LHFPL2: variants seen among roughly 807,000 people sequenced by gnomAD.
LHFPL2 encodes LHFPL tetraspan subfamily member 2.
A neutral mutation model predicts 17.5 loss-of-function variants in LHFPL2; 7 were observed. The observed-to-expected ratio is 0.40, with a 90% CI of 0.23 to 0.75. LHFPL2 has a LOEUF of 0.75. LHFPL2 is among the 30% of genes least tolerant of loss of function. The pLI, the probability that LHFPL2 is intolerant of heterozygous loss-of-function variation, is 0.37. For missense variants in LHFPL2, 241 were observed against 294.8 expected, an observed-to-expected ratio of 0.82 and a Z score of 1.34; for synonymous variants, 134 against 116.2, an observed-to-expected ratio of 1.15 and a Z score of -0.99.
intron 2 of LHFPL2, among the ~76,000 whole-genome samples, chr5:78,607,172 A>G (rs1262240965): frequency 6.6e-6 from 1 of 151,606 alleles, no homozygotes; most frequent in Admixed American, 6.6e-5. Flanking sequence ...GTGTAATGGC[A>G]TGATCTCAGC....
At chr5:78,549,414 G>C (rs945107334) in intron 3 of LHFPL2, among the ~76,000 whole-genome samples, 10 of 152,326 alleles carry the variant, frequency 6.6e-5, no homozygotes, top group African/African-American at 2.4e-4. Flanking sequence ...ATTAATGGCA[G>C]AGTGAAAAAG....
intron 4 of LHFPL2, among the ~76,000 whole-genome samples, chr5:78,498,674 C>T (rs1754681961): frequency 6.6e-6 from 1 of 152,158 alleles, no homozygotes. Flanking sequence ...CTGCAGACTT[C>T]CCATGTGCAG....
chr5:78,598,105 A>C (rs1743888919), intron 2 of LHFPL2, among the ~76,000 whole-genome samples: 1 of 152,184 alleles, frequency 6.6e-6, no homozygotes, highest in Non-Finnish European at 1.5e-5. Flanking sequence ...TTCCCACCCC[A>C]TGTGTCAAGA....
intron 2 of LHFPL2, 103 bp downstream of exon 2, chr5:78,632,161 A>C (rs1425880198): frequency 6.6e-6 from 1 of 152,210 alleles, no homozygotes; most frequent in Non-Finnish European, 1.5e-5. Context: ...CACCTTTCTT[A>C]GAGAAGATGC....
intron 4 of LHFPL2, among the ~76,000 whole-genome samples, chr5:78,506,256 G>A (rs1561310439): frequency 6.6e-6 from 1 of 152,182 alleles, no homozygotes; most frequent in Non-Finnish European, 1.5e-5. Flanking sequence ...CAAGCCTGTG[G>A]CCTATTTATA....
At chr5:78,605,248 T>C (rs1744172959) in intron 2 of LHFPL2, among the ~76,000 whole-genome samples, 2 of 152,188 alleles carry the variant, frequency 1.3e-5, no homozygotes, top group African/African-American at 2.4e-5. Flanking sequence ...AATTGTTACC[T>C]CCTTTGAGTG....
At chr5:78,596,618 T>C (rs1743833828) in intron 2 of LHFPL2, among the ~76,000 whole-genome samples, 1 of 152,176 alleles carries the variant, frequency 6.6e-6, no homozygotes. Flanking sequence ...GGGATAAAAG[T>C]GTCACGTGCC....
chr5:78,590,737 T>C (rs569280975), intron 2 of LHFPL2, among the ~76,000 whole-genome samples: 1 of 152,328 alleles, frequency 6.6e-6, no homozygotes, highest in East Asian at 1.9e-4. Flanking sequence ...CTAGAAATAG[T>C]TGTATCATCC....
At chr5:78,631,747 C>G (rs1411339454) in intron 2 of LHFPL2, among the ~76,000 whole-genome samples, 2 of 152,100 alleles carry the variant, frequency 1.3e-5, no homozygotes, top group Admixed American at 1.3e-4. Flanking sequence ...ACCAGCTTGG[C>G]CAATATGGCG....
intron 2 of LHFPL2, among the ~76,000 whole-genome samples, chr5:78,594,259 T>C (rs1481690472): frequency 1.3e-5 from 2 of 152,180 alleles, no homozygotes; most frequent in South Asian, 2.1e-4. Context: ...TTAACTCTGT[T>C]CCCCTATTTT....
chr5:78,584,989 C>G (rs1351146743), intron 2 of LHFPL2, among the ~76,000 whole-genome samples: 2 of 102,476 alleles, frequency 2.0e-5, no homozygotes, highest in African/African-American at 7.4e-5. Context: ...TCTCCTGGTG[C>G]GCTGTGTTTT....
chr5:78,611,031 A>C (rs943710694), intron 2 of LHFPL2, among the ~76,000 whole-genome samples: 7 of 152,186 alleles, frequency 4.6e-5, no homozygotes, highest in Non-Finnish European at 7.3e-5. Flanking sequence ...GTTACTGAGA[A>C]GGGAAAAAAA....
rs549069199 is a variant in LHFPL2 at position 78,615,070 on chromosome 5, C to G, written c.-245+17194G>C. ...CTGCAGAAGAGACTTTGACTTCCAC[C>G]TACAATGGGGGCAGTATCAACATTT... On this transcript the variant is annotated intron_variant, in intron 2 of 4. Coordinates refer to ENST00000380345, the MANE Select transcript of LHFPL2 (RefSeq NM_005779.3). Among the ~76,000 whole-genome samples the G allele has an allele frequency of 3.3e-5, 5 of 152,332 alleles. 1 individual carries two copies. The South Asian group carries it at 1.0e-3, about 32-fold the overall frequency.
At chr5:78,509,542 A>C (rs1373167263) in intron 4 of LHFPL2, among the ~76,000 whole-genome samples, 1 of 152,232 alleles carries the variant, frequency 6.6e-6, no homozygotes. Context: ...GAAATAAGCA[A>C]TGAGGAGGAC....
intron 3 of LHFPL2, among the ~76,000 whole-genome samples, chr5:78,530,663 T>C (rs1282053640): frequency 6.6e-6 from 1 of 152,212 alleles, no homozygotes; most frequent in Admixed American, 6.5e-5. Context: ...TAATCACTTT[T>C]ATAACATGGA....
intron 2 of LHFPL2, among the ~76,000 whole-genome samples, chr5:78,606,745 G>C (rs1744226288): frequency 6.6e-6 from 1 of 152,178 alleles, no homozygotes; most frequent in South Asian, 2.1e-4. Flanking sequence ...CGTGATCTTG[G>C]TTCACTGCAA....
chr5:78,573,642 G>A (rs1215621919), intron 2 of LHFPL2, among the ~76,000 whole-genome samples: 2 of 152,178 alleles, frequency 1.3e-5, no homozygotes, highest in Non-Finnish European at 2.9e-5. Context: ...TGCACAGCCT[G>A]TCTCTGCTTT....
rs577201456 is a variant in LHFPL2 at position 78,562,257 on chromosome 5, T to C, written c.-186+2556A>G. Among the ~76,000 whole-genome samples the C allele has an allele frequency of 3.3e-5, 5 of 152,306 alleles. No homozygotes were observed. The East Asian group carries it at 9.6e-4, about 29-fold the overall frequency. ...TTCCACATGGTAATGAAAAGTGCCC[T>C]AGGTCACAGAGCCTGCTGGTACCAC... is the stretch of plus-strand genomic sequence containing the variant. On this transcript the variant is annotated intron_variant, in intron 3 of 4. Coordinates refer to ENST00000380345, the MANE Select transcript of LHFPL2 (RefSeq NM_005779.3).
chr5:78,625,824 G>A (rs1745014748), intron 2 of LHFPL2: 1 of 152,242 alleles, frequency 6.6e-6, no homozygotes, highest in Non-Finnish European at 1.5e-5. Flanking sequence ...CGGGGCTTTA[G>A]CCAAGTTATT....
Sources: allele counts gnomAD v4.1 joint callset (sites outside exome capture counted in the v4.1 genomes callset), GRCh38; gene constraint gnomAD v4.1.1; transcripts MANE v1.5; gene names NCBI Gene and HGNC (gene_info 2026-07-23, HGNC 2026-07-21).